Variants in CNTN4 observed in about 807,000 individuals in gnomAD.
CNTN4 encodes contactin-4.
In CNTN4, 77 loss-of-function variants were observed where a neutral mutation model predicts 122.5. The ratio of observed to expected loss-of-function variants is 0.63; its 90% CI spans 0.52 to 0.76. The LOEUF (loss-of-function observed/expected upper bound fraction) is 0.76. Among genes scored for constraint, CNTN4 ranks in the 30% least tolerant of loss-of-function variants. CNTN4 has a pLI of 0.00. For synonymous variants in CNTN4, 512 were observed against 447.0 expected, an observed-to-expected ratio of 1.15 and a Z score of -1.83; for missense variants, 1,256 against 1,259.1, an observed-to-expected ratio of 1.00 and a Z score of 0.04.
chr3:2,210,878 A>G (rs2038586024), intron 2 of CNTN4, among the ~76,000 whole-genome samples: 1 of 152,242 alleles, frequency 6.6e-6, no homozygotes, highest in Non-Finnish European at 1.5e-5. Flanking sequence ...AAGAAAAACA[A>G]ATCATGATGT....
At chr3:2,886,091 G>C (rs990193803) in intron 9 of CNTN4, among the ~76,000 whole-genome samples, 1 of 152,154 alleles carries the variant, frequency 6.6e-6, no homozygotes, top group African/African-American at 2.4e-5. Flanking sequence ...GATTCAAGGG[G>C]AGGGGCCATA....
chr3:2,903,015 T>C lies in CNTN4; in HGVS notation c.1207+10T>C, dbSNP rs1243432197. Reference sequence around the variant, plus strand: ...GAGCTTAGTGTTATAGGTGAGTCTTTATACTGGCAAGAAAAAAAAATTAAA... The same window carrying C: ...GAGCTTAGTGTTATAGGTGAGTCTTCATACTGGCAAGAAAAAAAAATTAAA... On this transcript the variant is annotated intron_variant, in intron 12 of 24. Coordinates refer to ENST00000418658, the MANE Select transcript of CNTN4 (RefSeq NM_175607.3). The C allele has an allele frequency of 2.5e-6, 4 of 1,613,238 alleles. No homozygotes were observed. In the South Asian group the frequency reaches 4.4e-5, roughly 18 times the overall value.
Position 2,385,750 on chromosome 3 carries a change from A to G in CNTN4, c.-89+46517A>G, listed in dbSNP as rs2046229347. Reference sequence around the variant, plus strand: ...CTCTTCTCATAAGGACATAAGTCTTATTGGATATGACCTATCCTAATGAAC... The same window carrying G: ...CTCTTCTCATAAGGACATAAGTCTTGTTGGATATGACCTATCCTAATGAAC... On this transcript the variant is annotated intron_variant, in intron 3 of 24. Transcript: ENST00000418658. The surrounding 1 kb of genome is among the most constrained non-coding windows in gnomAD (Gnocchi z 4.0). Among the ~76,000 whole-genome samples the G allele has an allele frequency of 1.3e-5, 2 of 152,052 alleles. No individual in the cohort carries two copies. Among genetic ancestry groups the G allele is most frequent in the African/African-American group, 4.8e-5 (2 of 41,438 alleles).
At chr3:2,796,896 C>G (rs752430990) in intron 6 of CNTN4, among the ~76,000 whole-genome samples, 2 of 152,184 alleles carry the variant, frequency 1.3e-5, no homozygotes, top group Admixed American at 6.5e-5. Flanking sequence ...TATAATGTTG[C>G]TCAGTACCCC....
chr3:2,363,378 T>C (rs142045168), intron 3 of CNTN4, among the ~76,000 whole-genome samples: 187 of 152,348 alleles, frequency 1.2e-3, no homozygotes, highest in African/African-American at 4.4e-3. Context: ...TCTCAGAAGT[T>C]CTAAAATGCC....
chr3:2,542,780 G>A (rs763573413), intron 3 of CNTN4, among the ~76,000 whole-genome samples: 20 of 152,100 alleles, frequency 1.3e-4, no homozygotes, highest in Non-Finnish European at 2.5e-4. Flanking sequence ...TGTTGTGTTA[G>A]CTGTTCTGGG....
At chr3:2,920,024 G>A (rs567307432) in intron 12 of CNTN4, among the ~76,000 whole-genome samples, 8 of 152,158 alleles carry the variant, frequency 5.3e-5, no homozygotes, top group East Asian at 1.9e-4. Flanking sequence ...TGTTGGCAGA[G>A]AAAGATGAGA....
At chr3:2,816,075 C>T (rs1320843719) in intron 6 of CNTN4, among the ~76,000 whole-genome samples, 1 of 152,038 alleles carries the variant, frequency 6.6e-6, no homozygotes, top group Non-Finnish European at 1.5e-5. Context: ...TACAATGAGG[C>T]CGGATACAGT....
intron 7 of CNTN4, among the ~76,000 whole-genome samples, chr3:2,865,848 A>G (rs2093718199): frequency 6.6e-6 from 1 of 152,226 alleles, no homozygotes; most frequent in Admixed American, 6.5e-5. Flanking sequence ...TAATTCTTAT[A>G]AAAGTTAGAA....
intron 3 of CNTN4, among the ~76,000 whole-genome samples, chr3:2,508,646 A>C (rs2076799802): frequency 6.6e-6 from 1 of 152,180 alleles, no homozygotes; most frequent in Non-Finnish European, 1.5e-5. Flanking sequence ...AGTTCCAAAG[A>C]GATGCCGTTT....
intron 2 of CNTN4, among the ~76,000 whole-genome samples, chr3:2,326,918 A>G (rs1055822056): frequency 6.6e-6 from 1 of 152,188 alleles, no homozygotes; most frequent in African/African-American, 2.4e-5. Flanking sequence ...CTAGTTGACT[A>G]TCCATAAATC....
chr3:2,823,965 C>T (rs1011320818), intron 7 of CNTN4, among the ~76,000 whole-genome samples: 8 of 152,062 alleles, frequency 5.3e-5, no homozygotes, highest in African/African-American at 1.7e-4. Flanking sequence ...ATAAGATCTC[C>T]GAGTGATCAT....
At chr3:2,527,965 T>A (rs2077462587) in intron 3 of CNTN4, among the ~76,000 whole-genome samples, 1 of 152,174 alleles carries the variant, frequency 6.6e-6, no homozygotes, top group South Asian at 2.1e-4. Context: ...CTCCCTTCAT[T>A]TCTAGGTTTC....
At chr3:2,808,286 G>GATGCATAAC (rs2092517922) in intron 6 of CNTN4, among the ~76,000 whole-genome samples, 1 of 151,964 alleles carries the variant, frequency 6.6e-6, no homozygotes, top group Non-Finnish European at 1.5e-5. Flanking sequence ...ATGGCCTCTT[G>GATGCATAAC]ATGCATAACT....
chr3:2,121,264 C>T (rs1398051201), intron 2 of CNTN4, among the ~76,000 whole-genome samples: 1 of 152,176 alleles, frequency 6.6e-6, no homozygotes, highest in Non-Finnish European at 1.5e-5. Flanking sequence ...CTCTGGGAGG[C>T]CGAGGCGGGC....
At chr3:2,435,482 A>C (rs1559550794) in intron 3 of CNTN4, among the ~76,000 whole-genome samples, 1 of 152,136 alleles carries the variant, frequency 6.6e-6, no homozygotes, top group East Asian at 1.9e-4. Flanking sequence ...ACTTTTTCCA[A>C]ATATTTTTGA....
chr3:2,841,814 C>G lies in CNTN4; in HGVS notation c.454+22233C>G, dbSNP rs1345774808. 6.6e-6 allele frequency among the ~76,000 whole-genome samples: 1 copy of G among 150,722 alleles called. No individual in the cohort carries two copies. Among genetic ancestry groups the G allele is most frequent in the East Asian group, 1.9e-4 (1 of 5,190 alleles). On this transcript the variant is annotated intron_variant, in intron 7 of 24. Transcript: ENST00000418658. The surrounding 1 kb of genome is among the most constrained non-coding windows in gnomAD (Gnocchi z 4.8). ...TGACCACAAATATTAAACGTTTCAC[C>G]AGGGAAATGGCTGGTAAGAGATTTA...
At chr3:2,347,332 GAC>G in intron 3 of CNTN4, among the ~76,000 whole-genome samples, 1 of 135,866 alleles carries the variant, frequency 7.4e-6, no homozygotes, top group African/African-American at 2.9e-5. Context: ...TCCCGGAATT[GAC>G]ACACGTCATT....
intron 3 of CNTN4, among the ~76,000 whole-genome samples, chr3:2,457,708 T>C (rs1575673832): frequency 6.6e-6 from 1 of 152,236 alleles, no homozygotes; most frequent in East Asian, 1.9e-4. Flanking sequence ...AGCCCCTGTC[T>C]GCCATATTGG....
Sources: allele counts gnomAD v4.1 joint callset (sites outside exome capture counted in the v4.1 genomes callset), GRCh38; gene constraint gnomAD v4.1.1; non-coding constraint Gnocchi (gnomAD v3.1); transcripts MANE v1.5; gene names NCBI Gene and HGNC (gene_info 2026-07-23, HGNC 2026-07-21).